Variants in RBFOX1 observed in about 807,000 individuals in gnomAD.
RBFOX1 encodes the protein RNA binding protein fox-1 homolog 1.
Under a neutral mutation model 57.7 loss-of-function variants are expected in RBFOX1, and 8 were observed. The observed-to-expected ratio is 0.14, with a 90% CI of 0.08 to 0.25. The LOEUF (loss-of-function observed/expected upper bound fraction) is 0.25. RBFOX1 is among the 10% of genes least tolerant of loss of function. The probability of loss-of-function intolerance (pLI) is 1.00; values close to 1 mark genes in which losing one functional copy is unlikely to be tolerated. For missense variants in RBFOX1, 611 were observed against 548.5 expected (o/e 1.11, Z -1.14); for synonymous variants, 326 against 222.4 (o/e 1.47, Z -4.15).
intron 1 of RBFOX1, among the ~76,000 whole-genome samples, chr16:6,125,986 C>T (rs1189266847): frequency 6.6e-6 from 1 of 152,128 alleles, no homozygotes; most frequent in Non-Finnish European, 1.5e-5. Context: ...ATAATAATTG[C>T]TTCTCAAGGA....
chr16:7,080,024 GTA>G (rs1567182260), intron 4 of RBFOX1, among the ~76,000 whole-genome samples: 9 of 117,380 alleles, frequency 7.7e-5, no homozygotes, highest in African/African-American at 2.7e-4. Context: ...ATATATATAC[GTA>G]TATATGTATA....
At chr16:6,663,492 A>T (rs1233914005) in intron 3 of RBFOX1, among the ~76,000 whole-genome samples, 2 of 152,252 alleles carry the variant, frequency 1.3e-5, no homozygotes, top group Admixed American at 1.3e-4. Context: ...CAGAACAAAG[A>T]CATGGGAGAA....
intron 3 of RBFOX1, among the ~76,000 whole-genome samples, chr16:6,875,928 G>T (rs2061758726): frequency 6.6e-6 from 1 of 152,130 alleles, no homozygotes. Context: ...AGCCGGGGAG[G>T]TGGAGGTTGC....
chr16:6,084,751 T>C (rs531717088), intron 1 of RBFOX1, among the ~76,000 whole-genome samples: 1 of 150,968 alleles, frequency 6.6e-6, no homozygotes, highest in East Asian at 2.0e-4. Flanking sequence ...CACCTCTTCA[T>C]GGGGAAGCCC....
chr16:5,371,928 C>G (rs951095770), intron 1 of RBFOX1, among the ~76,000 whole-genome samples: 3 of 152,210 alleles, frequency 2.0e-5, no homozygotes, highest in African/African-American at 7.2e-5. Flanking sequence ...TCCTTCCTAC[C>G]TTGAACCCAG....
At chr16:7,243,822 T>C (rs1429036104) in intron 4 of RBFOX1, among the ~76,000 whole-genome samples, 3 of 152,250 alleles carry the variant, frequency 2.0e-5, no homozygotes, top group East Asian at 3.9e-4. Context: ...AGTGCTGGTA[T>C]TAGAGGTATG....
At chr16:6,445,918 A>G (rs1276382595) in intron 2 of RBFOX1, among the ~76,000 whole-genome samples, 1 of 151,860 alleles carries the variant, frequency 6.6e-6, no homozygotes, top group Non-Finnish European at 1.5e-5. Context: ...CATTTGATTC[A>G]GCATCCCTGT....
At chr16:7,030,365 G>T (rs8062774) in intron 3 of RBFOX1, among the ~76,000 whole-genome samples, 13,964 of 152,128 alleles carry the variant, frequency 0.092, 1,055 homozygotes, top group East Asian at 0.32. Context: ...ACGCCAACTG[G>T]ATGGCTTTAA....
intron 3 of RBFOX1, among the ~76,000 whole-genome samples, chr16:5,804,309 A>G (rs1567562618): frequency 6.6e-6 from 1 of 152,248 alleles, no homozygotes; most frequent in South Asian, 2.1e-4. Context: ...GAATAGATGA[A>G]TGGATGGATG....
At chr16:6,199,145 A>G (rs2152826164) in intron 1 of RBFOX1, among the ~76,000 whole-genome samples, 1 of 152,300 alleles carries the variant, frequency 6.6e-6, no homozygotes, top group South Asian at 2.1e-4. Context: ...AAAAATATTC[A>G]TTTACTTTTT....
intron 2 of RBFOX1, among the ~76,000 whole-genome samples, chr16:6,478,199 G>C (rs2095304023): frequency 1.1e-5 from 1 of 90,634 alleles, no homozygotes; most frequent in Non-Finnish European, 2.4e-5. Flanking sequence ...GTTGGTGCAG[G>C]AGCCTAGCTT....
At position 7,465,747 on chromosome 16, in the gene RBFOX1, C is replaced by T. The variant is rs540770271; in HGVS notation, c.28-52400C>T. Among the ~76,000 whole-genome samples the T allele has an allele frequency of 3.6e-4, 55 of 152,232 alleles. 1 individual carries two copies. Among genetic ancestry groups the T allele is most frequent in the South Asian group, 2.7e-3 (13 of 4,820 alleles). ...CAGATTTGTGGGTCCCTCTTCAAGCCGATGAATCAGAATCACTAATGCTGA... is the reference window on the plus strand; with the variant it reads ...CAGATTTGTGGGTCCCTCTTCAAGCTGATGAATCAGAATCACTAATGCTGA... On this transcript the variant is annotated intron_variant, in intron 4 of 15. Coordinates refer to ENST00000550418, the MANE Select transcript of RBFOX1 (RefSeq NM_018723.4).
intron 4 of RBFOX1, among the ~76,000 whole-genome samples, chr16:5,908,113 C>CACATAT (rs2058510134): frequency 6.6e-5 from 9 of 136,094 alleles, no homozygotes; most frequent in African/African-American, 3.0e-4. Context: ...TATATATACA[C>CACATAT]ATATATACAC....
chr16:7,026,368 C>T (rs1332173810), intron 3 of RBFOX1, among the ~76,000 whole-genome samples: 1 of 152,158 alleles, frequency 6.6e-6, no homozygotes, highest in East Asian at 1.9e-4. Flanking sequence ...CAAAGGAATT[C>T]AATCTAGTTT....
At chr16:6,720,545 A>T (rs1382488425) in intron 3 of RBFOX1, among the ~76,000 whole-genome samples, 4 of 152,246 alleles carry the variant, frequency 2.6e-5, no homozygotes, top group Admixed American at 6.5e-5. Context: ...CAGGAACAGC[A>T]AAGGCAGAGG....
At chr16:6,907,543 T>A (rs2070350404) in intron 3 of RBFOX1, among the ~76,000 whole-genome samples, 1 of 152,086 alleles carries the variant, frequency 6.6e-6, no homozygotes, top group African/African-American at 2.4e-5. Context: ...CCTATGCCTC[T>A]CTCTTAGCTT....
chr16:6,396,971 G>A (rs1402408149), intron 2 of RBFOX1, among the ~76,000 whole-genome samples: 1 of 152,128 alleles, frequency 6.6e-6, no homozygotes. Context: ...CAGCACAACA[G>A]ATCAGTGAAT....
intron 1 of RBFOX1, among the ~76,000 whole-genome samples, chr16:5,258,206 G>T (rs1207474228): frequency 6.6e-6 from 1 of 151,992 alleles, no homozygotes; most frequent in African/African-American, 2.4e-5. Context: ...TTATTATTAT[G>T]AAAAATTTTC....
At chr16:7,362,652 G>T (rs2097351660) in intron 4 of RBFOX1, among the ~76,000 whole-genome samples, 1 of 151,150 alleles carries the variant, frequency 6.6e-6, no homozygotes, top group East Asian at 2.0e-4. Context: ...CTTAGTATGT[G>T]TATGTTTTTT....
Sources: allele counts gnomAD v4.1 joint callset (sites outside exome capture counted in the v4.1 genomes callset), GRCh38; gene constraint gnomAD v4.1.1; transcripts MANE v1.5; gene names NCBI Gene and HGNC (gene_info 2026-07-23, HGNC 2026-07-21).